Variants in GRID2 observed in about 807,000 individuals in gnomAD.
GRID2 encodes the protein glutamate ionotropic receptor delta type subunit 2.
GRID2 carries 33 observed loss-of-function variants against 114.8 expected under a neutral mutation model. The ratio of observed to expected loss-of-function variants is 0.29; its 90% CI spans 0.22 to 0.38. The LOEUF is 0.38. Ranked by LOEUF, GRID2 falls within the 10% of genes least tolerant of loss-of-function variation. The pLI is 1.00. For missense variants in GRID2, 1,184 were observed against 1,257.7 expected, an observed-to-expected ratio of 0.94 and a Z score of 0.89; for synonymous variants, 505 against 449.9, an observed-to-expected ratio of 1.12 and a Z score of -1.55.
At chr4:92,330,911 C>G (rs1032391769) in intron 1 of GRID2, among the ~76,000 whole-genome samples, 2 of 152,052 alleles carry the variant, frequency 1.3e-5, no homozygotes. Context: ...ATTTACATTT[C>G]TAGGAAAATG....
chr4:93,742,297 A>T (rs1320905219), intron 14 of GRID2, among the ~76,000 whole-genome samples: 10 of 152,282 alleles, frequency 6.6e-5, no homozygotes, highest in Middle Eastern at 3.4e-3. Flanking sequence ...GTCCTCATGG[A>T]TTAAGCATCC....
At chr4:93,588,924 A>G (rs1737824024) in intron 13 of GRID2, among the ~76,000 whole-genome samples, 1 of 152,154 alleles carries the variant, frequency 6.6e-6, no homozygotes, top group African/African-American at 2.4e-5. Flanking sequence ...ATCAAGTTCA[A>G]TGGGGCATGA....
At chr4:92,786,247 T>C (rs1027285885) in intron 2 of GRID2, among the ~76,000 whole-genome samples, 1 of 151,880 alleles carries the variant, frequency 6.6e-6, no homozygotes, top group Non-Finnish European at 1.5e-5. Flanking sequence ...ATGTTGGACA[T>C]GGACCCTAGT....
intron 14 of GRID2, among the ~76,000 whole-genome samples, chr4:93,729,090 G>A (rs1313876202): frequency 1.3e-5 from 2 of 151,900 alleles, no homozygotes; most frequent in Admixed American, 1.3e-4. Context: ...CTGAGATGAG[G>A]TTTAACTATG....
chr4:92,937,122 T>A (rs1750734801), intron 2 of GRID2, among the ~76,000 whole-genome samples: 1 of 146,610 alleles, frequency 6.8e-6, no homozygotes, highest in African/African-American at 2.4e-5. Flanking sequence ...TCTCCCATTA[T>A]GTGGCTTGTC....
intron 2 of GRID2, among the ~76,000 whole-genome samples, chr4:92,662,560 G>A (rs1181140523): frequency 1.3e-5 from 2 of 150,808 alleles, no homozygotes; most frequent in East Asian, 3.9e-4. Flanking sequence ...AACTTCTCCA[G>A]ACACTACTTT....
At chr4:92,856,691 C>G (rs1744205269) in intron 2 of GRID2, among the ~76,000 whole-genome samples, 1 of 152,150 alleles carries the variant, frequency 6.6e-6, no homozygotes, top group African/African-American at 2.4e-5. Flanking sequence ...CTGTGAATAT[C>G]TTACCTGATG....
intron 1 of GRID2, among the ~76,000 whole-genome samples, chr4:92,475,704 G>A (rs1437164347): frequency 6.6e-6 from 1 of 151,718 alleles, no homozygotes; most frequent in Non-Finnish European, 1.5e-5. Context: ...TTAATTTTGT[G>A]TAAAACATCA....
chr4:92,537,004 C>A (rs1725670875), intron 1 of GRID2, among the ~76,000 whole-genome samples: 1 of 152,136 alleles, frequency 6.6e-6, no homozygotes, highest in Admixed American at 6.6e-5. Context: ...GAAAAGGAGA[C>A]ATGCACAGTC....
At chr4:93,405,333 C>A (rs549802298) in intron 9 of GRID2, among the ~76,000 whole-genome samples, 1 of 152,278 alleles carries the variant, frequency 6.6e-6, no homozygotes, top group African/African-American at 2.4e-5. Flanking sequence ...TGATGCATGA[C>A]AATGGCTTGA....
At chr4:93,202,665 A>T (rs1742231513) in intron 4 of GRID2, among the ~76,000 whole-genome samples, 2 of 152,248 alleles carry the variant, frequency 1.3e-5, no homozygotes, top group South Asian at 4.1e-4. Context: ...GAAAGAGATC[A>T]ACATTATTTA....
At chr4:92,499,638 A>G (rs1478011938) in intron 1 of GRID2, among the ~76,000 whole-genome samples, 7 of 152,174 alleles carry the variant, frequency 4.6e-5, no homozygotes, top group Non-Finnish European at 1.5e-5. Flanking sequence ...TTTGAGACAG[A>G]GTCTTGCTCT....
intron 8 of GRID2, among the ~76,000 whole-genome samples, chr4:93,320,995 C>T (rs1373683501): frequency 6.6e-6 from 1 of 152,014 alleles, no homozygotes; most frequent in East Asian, 1.9e-4. Flanking sequence ...GCAGAAAGAG[C>T]TGTGGAGCAC....
At chr4:92,406,069 A>G (rs1731015939) in intron 1 of GRID2, among the ~76,000 whole-genome samples, 1 of 151,982 alleles carries the variant, frequency 6.6e-6, no homozygotes, top group Non-Finnish European at 1.5e-5. Context: ...TCCTCTTCAC[A>G]TTTTTCTTCC....
intron 8 of GRID2, among the ~76,000 whole-genome samples, chr4:93,330,886 A>T (rs976197567): frequency 2.6e-5 from 4 of 152,088 alleles, no homozygotes; most frequent in African/African-American, 9.7e-5. Flanking sequence ...GTAGTGATAG[A>T]TTACAGAACA....
chr4:92,762,089 A>G (rs2149345885), intron 2 of GRID2, among the ~76,000 whole-genome samples: 1 of 151,818 alleles, frequency 6.6e-6, no homozygotes, highest in East Asian at 2.0e-4. Context: ...TATTTTTTGT[A>G]TTTTTAGTGG....
chr4:92,673,059 A>C (rs776415260), intron 2 of GRID2, among the ~76,000 whole-genome samples: 2 of 152,174 alleles, frequency 1.3e-5, no homozygotes, highest in Non-Finnish European at 2.9e-5. Flanking sequence ...ATAAGTGAGA[A>C]CGTGCAATAT....
chr4:92,952,086 A>G (rs958919767), intron 2 of GRID2, among the ~76,000 whole-genome samples: 1 of 152,198 alleles, frequency 6.6e-6, no homozygotes, highest in African/African-American at 2.4e-5. Context: ...AAATTGTTTG[A>G]TCAAAGGGTA....
chr4:92,995,647 A>G (rs1578704724), intron 2 of GRID2, among the ~76,000 whole-genome samples: 1 of 152,298 alleles, frequency 6.6e-6, no homozygotes, highest in East Asian at 1.9e-4. Flanking sequence ...AATAGTATTA[A>G]TGTATTCAGT....
Sources: gnomAD v4.1 joint callset for allele counts (sites outside exome capture counted in the v4.1 genomes callset) on GRCh38, gnomAD v4.1.1 for gene constraint, MANE v1.5 for transcripts, NCBI Gene and HGNC (gene_info 2026-07-23, HGNC 2026-07-21) for gene names.